The following SEMA5A variants were observed in gnomAD, a reference collection of about 807,000 sequenced individuals.
SEMA5A encodes the protein semaphorin 5A.
SEMA5A carries 55 observed loss-of-function variants against 135.5 expected under a neutral mutation model. The ratio of observed to expected loss-of-function variants is 0.41; its 90% CI spans 0.33 to 0.51. The LOEUF is 0.51. Ranked by LOEUF, SEMA5A falls within the 20% of genes least tolerant of loss-of-function variation. The probability of loss-of-function intolerance (pLI) is 0.37; values close to 1 mark genes in which losing one functional copy is unlikely to be tolerated. For synonymous variants in SEMA5A, 580 were observed against 546.5 expected (o/e 1.06, Z -0.85); for missense variants, 1,290 against 1,419.9 (o/e 0.91, Z 1.47).
At chr5:9,219,198 G>A (rs769578704) in intron 8 of SEMA5A, among the ~76,000 whole-genome samples, 3 of 152,218 alleles carry the variant, frequency 2.0e-5, no homozygotes, top group Non-Finnish European at 2.9e-5. Flanking sequence ...GTGGGTCAGA[G>A]AGGGGCTAGT....
intron 15 of SEMA5A, among the ~76,000 whole-genome samples, chr5:9,117,001 A>C (rs557406248): frequency 2.7e-4 from 41 of 152,218 alleles, no homozygotes; most frequent in Admixed American, 2.0e-4. Context: ...AAATTCTATA[A>C]AAATTTTACA....
chr5:9,358,058 A>G (rs888941010), intron 3 of SEMA5A, among the ~76,000 whole-genome samples: 28 of 152,094 alleles, frequency 1.8e-4, no homozygotes, highest in African/African-American at 6.8e-4. Flanking sequence ...TCTCCCCAAC[A>G]TATGTTCAGA....
intron 5 of SEMA5A, among the ~76,000 whole-genome samples, chr5:9,275,031 A>G (rs900485996): frequency 1.3e-5 from 2 of 152,262 alleles, no homozygotes; most frequent in East Asian, 1.9e-4. Flanking sequence ...AAAAAAATCA[A>G]TGAATCCAGG....
intron 5 of SEMA5A, among the ~76,000 whole-genome samples, chr5:9,307,521 T>C (rs1364076889): frequency 6.6e-6 from 1 of 152,152 alleles, no homozygotes; most frequent in Non-Finnish European, 1.5e-5. Flanking sequence ...CTCCTTTGCT[T>C]TTTATTTTCA....
chr5:9,148,886 A>C (rs1742482477), intron 12 of SEMA5A, among the ~76,000 whole-genome samples: 1 of 151,954 alleles, frequency 6.6e-6, no homozygotes, highest in South Asian at 2.1e-4. Context: ...TGTCCAGCTA[A>C]TTTTTGTATT....
intron 8 of SEMA5A, among the ~76,000 whole-genome samples, chr5:9,219,705 G>T (rs1451795285): frequency 1.3e-5 from 2 of 152,170 alleles, no homozygotes; most frequent in Non-Finnish European, 2.9e-5. Flanking sequence ...TCAGCCTCCA[G>T]AAGTTTGGGC....
chr5:9,230,041 G>A (rs1747534990), intron 6 of SEMA5A, among the ~76,000 whole-genome samples: 1 of 152,010 alleles, frequency 6.6e-6, no homozygotes, highest in African/African-American at 2.4e-5. Flanking sequence ...CTGGAGTGCA[G>A]TGGCACAATC....
At chr5:9,362,487 A>C (rs1754741021) in intron 3 of SEMA5A, among the ~76,000 whole-genome samples, 1 of 152,194 alleles carries the variant, frequency 6.6e-6, no homozygotes, top group Non-Finnish European at 1.5e-5. Flanking sequence ...CTACCCTACG[A>C]GGGCAGAGAC....
intron 2 of SEMA5A, among the ~76,000 whole-genome samples, chr5:9,424,774 C>G (rs536622619): frequency 6.6e-6 from 1 of 152,282 alleles, no homozygotes; most frequent in South Asian, 2.1e-4. Flanking sequence ...CCCAATCCAT[C>G]AGAGCACCAC....
intron 3 of SEMA5A, among the ~76,000 whole-genome samples, chr5:9,347,602 T>C (rs1306189970): frequency 6.6e-6 from 1 of 152,138 alleles, no homozygotes; most frequent in African/African-American, 2.4e-5. Flanking sequence ...GTATCCATAA[T>C]GTAAATCAGC....
chr5:9,244,286 CAA>C (rs1748366239), intron 5 of SEMA5A, among the ~76,000 whole-genome samples: 1 of 152,196 alleles, frequency 6.6e-6, no homozygotes, highest in Non-Finnish European at 1.5e-5. Context: ...GATTAAGAGC[CAA>C]AGTCATCTAG....
At chr5:9,310,343 T>C (rs1192074250) in intron 5 of SEMA5A, among the ~76,000 whole-genome samples, 1 of 152,154 alleles carries the variant, frequency 6.6e-6, no homozygotes, top group Admixed American at 6.5e-5. Context: ...GTTCCAATAA[T>C]ACCTTTACTA....
At chr5:9,414,862 T>G (rs1419120743) in intron 2 of SEMA5A, among the ~76,000 whole-genome samples, 1 of 152,200 alleles carries the variant, frequency 6.6e-6, no homozygotes, top group African/African-American at 2.4e-5. Flanking sequence ...CCCGTTACCT[T>G]GTAGGGTTCA....
At chr5:9,288,481 G>C (rs549134390) in intron 5 of SEMA5A, among the ~76,000 whole-genome samples, 1 of 152,312 alleles carries the variant, frequency 6.6e-6, no homozygotes, top group South Asian at 2.1e-4. Context: ...AGAGGGCACA[G>C]GGGCATGACA....
At chr5:9,109,524 A>G (rs1223401208) in intron 15 of SEMA5A, among the ~76,000 whole-genome samples, 1 of 152,210 alleles carries the variant, frequency 6.6e-6, no homozygotes, top group Non-Finnish European at 1.5e-5. Context: ...TAAGAAGCCC[A>G]AATTCCCAAA....
chr5:9,202,281 T>C (rs748268391), intron 8 of SEMA5A, 41 bp from the exon 9 acceptor site: 1 of 1,593,560 alleles, frequency 6.3e-7, no homozygotes, highest in Non-Finnish European at 8.6e-7. Flanking sequence ...TCAACATTCA[T>C]GTCATTCCCT....
At chr5:9,414,695 A>G (rs990435628) in intron 2 of SEMA5A, among the ~76,000 whole-genome samples, 5 of 152,232 alleles carry the variant, frequency 3.3e-5, no homozygotes, top group Admixed American at 2.6e-4. Context: ...GGTATCATTC[A>G]CAAGTAAGAG....
Position 9,149,262 on chromosome 5 carries a change from C to G in SEMA5A, c.1481+5226G>C, listed in dbSNP as rs1041705936. Among the ~76,000 whole-genome samples the G allele has an allele frequency of 2.6e-5, 4 of 152,162 alleles. No individual in the cohort carries two copies. The East Asian group carries it at 7.7e-4, about 29-fold the overall frequency. On this transcript the variant is annotated intron_variant, in intron 12 of 22. Coordinates refer to ENST00000382496, the MANE Select transcript of SEMA5A (RefSeq NM_003966.3). Reference sequence around the variant, plus strand: ...CAACAGAGACTGGACATCTGTGCAGCCTACAAGTGTTTCTCTCTGGCCCTT... The same window carrying G: ...CAACAGAGACTGGACATCTGTGCAGGCTACAAGTGTTTCTCTCTGGCCCTT...
chr5:9,265,089 T>A (rs1749614410), intron 5 of SEMA5A, among the ~76,000 whole-genome samples: 1 of 152,202 alleles, frequency 6.6e-6, no homozygotes, highest in African/African-American at 2.4e-5. Flanking sequence ...GTGGATTGAA[T>A]GACTGAAACT....
Sources: allele counts gnomAD v4.1 joint callset (sites outside exome capture counted in the v4.1 genomes callset), GRCh38; gene constraint gnomAD v4.1.1; transcripts MANE v1.5; gene names NCBI Gene and HGNC (gene_info 2026-07-23, HGNC 2026-07-21).